The following NTRK2 variants were observed in gnomAD, a reference collection of about 807,000 sequenced individuals.
The protein encoded by NTRK2 is neurotrophic receptor tyrosine kinase 2.
Under a neutral mutation model 94.5 loss-of-function variants are expected in NTRK2, and 13 were observed. That is an observed-to-expected ratio of 0.14 (90% CI 0.09 to 0.22). The LOEUF (loss-of-function observed/expected upper bound fraction) is 0.22, where lower values mean the gene tolerates loss of function less well. NTRK2 is among the 10% of genes least tolerant of loss of function. The pLI, the probability that NTRK2 is intolerant of heterozygous loss-of-function variation, is 1.00. For missense variants in NTRK2, 639 were observed against 1,071.2 expected, an observed-to-expected ratio of 0.60 and a Z score of 5.63; for synonymous variants, 372 against 407.4, an observed-to-expected ratio of 0.91 and a Z score of 1.05.
At chr9:84,906,791 G>A (rs953761139) in intron 14 of NTRK2, among the ~76,000 whole-genome samples, 3 of 152,166 alleles carry the variant, frequency 2.0e-5, no homozygotes, top group African/African-American at 7.2e-5. Context: ...GTTTTTGGTT[G>A]GAAGTGCCTT....
chr9:85,006,460 C>T (rs1485515116), intron 17 of NTRK2, among the ~76,000 whole-genome samples: 1 of 152,226 alleles, frequency 6.6e-6, no homozygotes, highest in Non-Finnish European at 1.5e-5. Context: ...TGAGCCGCTC[C>T]TGCCTCCAAG....
chr9:84,702,843 T>C (rs550097954), intron 4 of NTRK2, among the ~76,000 whole-genome samples: 5 of 152,346 alleles, frequency 3.3e-5, no homozygotes, highest in South Asian at 4.1e-4. Context: ...CCCCTCACAA[T>C]AGGATTCTCT....
chr9:84,898,442 A>C (rs548191848), intron 14 of NTRK2, among the ~76,000 whole-genome samples: 1 of 152,282 alleles, frequency 6.6e-6, no homozygotes, highest in South Asian at 2.1e-4. Context: ...AGTGGCTTAA[A>C]ACACTGTTGA....
At chr9:84,686,670 C>T (rs2131478103) in intron 2 of NTRK2, among the ~76,000 whole-genome samples, 1 of 152,190 alleles carries the variant, frequency 6.6e-6, no homozygotes, top group South Asian at 2.1e-4. Context: ...TTTAATGTAC[C>T]ATCTGATACA....
intron 17 of NTRK2, among the ~76,000 whole-genome samples, chr9:85,000,521 G>T (rs1436478171): frequency 6.6e-6 from 1 of 152,058 alleles, no homozygotes; most frequent in Non-Finnish European, 1.5e-5. Context: ...ACATTATGTA[G>T]CCTTTTCAGG....
At chr9:84,966,023 G>A (rs974491313) in intron 17 of NTRK2, among the ~76,000 whole-genome samples, 1 of 152,204 alleles carries the variant, frequency 6.6e-6, no homozygotes, top group Non-Finnish European at 1.5e-5. Context: ...GGCTTTCCCT[G>A]TTGATCATCC....
At chr9:84,853,857 G>A (rs932282072) in intron 12 of NTRK2, among the ~76,000 whole-genome samples, 1 of 152,120 alleles carries the variant, frequency 6.6e-6, no homozygotes, top group African/African-American at 2.4e-5. Context: ...CAAGGTGGGT[G>A]GATCATGAGG....
chr9:84,983,926 C>A (rs1827974991), intron 17 of NTRK2, among the ~76,000 whole-genome samples: 1 of 152,208 alleles, frequency 6.6e-6, no homozygotes, highest in Non-Finnish European at 1.5e-5. Flanking sequence ...GGTCTTGGAG[C>A]TGGGGCTCTA....
At position 84,815,607 on chromosome 9, in the gene NTRK2, T is replaced by A. The variant is rs529245724; in HGVS notation, c.1397-45433T>A. On this transcript the variant is annotated intron_variant, in intron 12 of 18. Transcript: ENST00000277120. ...AATAATGGATAATCATTTTAAAAAT[T>A]TTTATTTTTAGTGCTGTTTTAACAA... 10 of 1,001,404 alleles carry A rather than the reference T, an allele frequency of 1.0e-5. No homozygotes were observed. In the African/African-American group the frequency reaches 1.0e-4, roughly 10 times the overall value. The allele number at this position is 1,001,404 out of a possible 1,614,324, so 62.0% of individuals were successfully genotyped here.
intron 17 of NTRK2, among the ~76,000 whole-genome samples, chr9:84,963,939 A>T (rs187056928): frequency 6.6e-6 from 1 of 152,312 alleles, no homozygotes; most frequent in East Asian, 1.9e-4. Flanking sequence ...TGGAAGTTCA[A>T]TATGGGCCTT....
At chr9:84,884,281 A>AT (rs2076349072) in intron 14 of NTRK2, among the ~76,000 whole-genome samples, 1 of 152,244 alleles carries the variant, frequency 6.6e-6, no homozygotes, top group South Asian at 2.1e-4. Context: ...TTTGTATAAT[A>AT]TAACCTGCTC....
chr9:84,936,784 G>T (rs936767066), intron 15 of NTRK2, among the ~76,000 whole-genome samples: 11 of 152,132 alleles, frequency 7.2e-5, no homozygotes, highest in East Asian at 3.8e-4. Flanking sequence ...AGGACAAAGT[G>T]CCTGCAGACT....
chr9:84,770,447 C>G (rs567132052), intron 12 of NTRK2, among the ~76,000 whole-genome samples: 2 of 152,260 alleles, frequency 1.3e-5, no homozygotes, highest in Admixed American at 1.3e-4. Context: ...GCTTCTTCCT[C>G]CCCTCCCTGT....
At chr9:84,975,762 ATATTCACACAAATTGTGTGAATTG>A (rs985357314) in intron 17 of NTRK2, among the ~76,000 whole-genome samples, 56 of 146,372 alleles carry the variant, frequency 3.8e-4, no homozygotes, top group African/African-American at 1.0e-3. Context: ...AATATGTGTG[ATATTCACACAAATTGTGTGAATTG>A]TATTCACACA....
chr9:84,786,600 A>G (rs1253769378), intron 12 of NTRK2, among the ~76,000 whole-genome samples: 3 of 152,100 alleles, frequency 2.0e-5, no homozygotes, highest in Non-Finnish European at 2.9e-5. Context: ...TTTTAGCCTA[A>G]TAATACTTAA....
At chr9:84,721,003 A>G (rs542454023) in intron 6 of NTRK2, among the ~76,000 whole-genome samples, 104 of 152,364 alleles carry the variant, frequency 6.8e-4, no homozygotes, top group African/African-American at 2.4e-3. Flanking sequence ...TCTAAGTGGT[A>G]AGAAAGCATG....
At chr9:84,776,972 C>A (rs56355720) in intron 12 of NTRK2, among the ~76,000 whole-genome samples, 3,941 of 152,274 alleles carry the variant, frequency 0.026, 76 homozygotes, top group Admixed American at 0.046. Context: ...AGAGAACTGT[C>A]TCCTCCTAAT....
chr9:84,877,974 G>A (rs1431103627), intron 14 of NTRK2: 2 of 1,003,008 alleles, frequency 2.0e-6, no homozygotes, highest in African/African-American at 3.5e-5. Context: ...ATTCAACATT[G>A]GGATTCCTCA....
chr9:84,929,396 C>G (rs1034394516), intron 14 of NTRK2, among the ~76,000 whole-genome samples: 9 of 152,112 alleles, frequency 5.9e-5, no homozygotes, highest in African/African-American at 2.2e-4. Flanking sequence ...GCAGATCACA[C>G]GAGTTTGGTG....
Sources: allele counts gnomAD v4.1 joint callset (sites outside exome capture counted in the v4.1 genomes callset), GRCh38; gene constraint gnomAD v4.1.1; transcripts MANE v1.5; gene names NCBI Gene and HGNC (gene_info 2026-07-23, HGNC 2026-07-21).